Variants in SYCP1 observed in about 807,000 individuals in gnomAD.
SYCP1 encodes synaptonemal complex protein 1.
SYCP1 carries 64 observed loss-of-function variants against 153.1 expected under a neutral mutation model. The ratio of observed to expected loss-of-function variants is 0.42; its 90% CI spans 0.34 to 0.51. The LOEUF (loss-of-function observed/expected upper bound fraction) is 0.51. Ranked by LOEUF, SYCP1 falls within the 20% of genes least tolerant of loss-of-function variation. The probability of loss-of-function intolerance (pLI) is 0.06; values close to 1 mark genes in which losing one functional copy is unlikely to be tolerated. For missense variants in SYCP1, 997 were observed against 1,049.0 expected (o/e 0.95, Z 0.68); for synonymous variants, 384 against 341.8 (o/e 1.12, Z -1.36).
At chr1:114,949,193 C>T (rs1670935695) in intron 27 of SYCP1, among the ~76,000 whole-genome samples, 1 of 152,164 alleles carries the variant, frequency 6.6e-6, no homozygotes. Flanking sequence ...GGGCATCATG[C>T]TCTGACATAC....
At chr1:114,935,074 A>G (rs1669905161) in intron 23 of SYCP1, among the ~76,000 whole-genome samples, 1 of 152,180 alleles carries the variant, frequency 6.6e-6, no homozygotes, top group Non-Finnish European at 1.5e-5. Flanking sequence ...ACATCTACAG[A>G]ACTCTCCACC....
At chr1:114,899,943 G>A (rs1215743412) in intron 16 of SYCP1, among the ~76,000 whole-genome samples, 5 of 152,134 alleles carry the variant, frequency 3.3e-5, no homozygotes, top group African/African-American at 7.2e-5. Flanking sequence ...TATGTTAGAG[G>A]TTGAAAACAC....
chr1:114,881,501 A>ATCTTTCCTTCCTTCCTTCCT (rs1665925620), intron 12 of SYCP1, among the ~76,000 whole-genome samples: 1 of 102,624 alleles, frequency 9.7e-6, no homozygotes. Context: ...GGAAGGTATT[A>ATCTTTCCTTCCTTCCTTCCT]TCCTTCCTTC....
At chr1:114,906,780 C>T (rs1667837678) in intron 16 of SYCP1, among the ~76,000 whole-genome samples, 1 of 152,010 alleles carries the variant, frequency 6.6e-6, no homozygotes, top group Non-Finnish European at 1.5e-5. Flanking sequence ...GTGAATGTTC[C>T]ATGTGCACTG....
chr1:114,961,015 C>T (rs1343050214), intron 27 of SYCP1, among the ~76,000 whole-genome samples: 2 of 152,078 alleles, frequency 1.3e-5, no homozygotes, highest in Non-Finnish European at 1.5e-5. Flanking sequence ...TAAAAATTAC[C>T]ATTTCAGTCT....
At chr1:114,965,197 G>T (rs1346962048) in intron 27 of SYCP1, among the ~76,000 whole-genome samples, 1 of 152,166 alleles carries the variant, frequency 6.6e-6, no homozygotes, top group Non-Finnish European at 1.5e-5. Context: ...TGTGATTTTT[G>T]TACATTGATT....
chr1:114,987,492 C>T (rs1237821020), intron 30 of SYCP1, among the ~76,000 whole-genome samples: 1 of 151,888 alleles, frequency 6.6e-6, no homozygotes, highest in Non-Finnish European at 1.5e-5. Context: ...CAGTGAGACC[C>T]TCTCTATACA....
chr1:114,990,458 A>C (rs1298900318), intron 30 of SYCP1, among the ~76,000 whole-genome samples: 1 of 151,954 alleles, frequency 6.6e-6, no homozygotes, highest in African/African-American at 2.4e-5. Context: ...CTAAACTCAA[A>C]CCTAGTAGAT....
At chr1:114,923,721 G>T in intron 21 of SYCP1, 191 bp downstream of exon 21, 1 of 402,434 alleles carries the variant, frequency 2.5e-6, no homozygotes. Flanking sequence ...ATATCTAGAA[G>T]AAATAGTGGC....
chr1:114,978,309 T>C (rs970768748), intron 28 of SYCP1, among the ~76,000 whole-genome samples: 4 of 151,590 alleles, frequency 2.6e-5, no homozygotes, highest in Non-Finnish European at 5.9e-5. Context: ...GCAGAATTTA[T>C]GTGTAATTCT....
At position 114,895,448 on chromosome 1, in the gene SYCP1, A is replaced by G; in HGVS notation, c.1259A>G (p.Glu420Gly). 6.6e-7 allele frequency: 1 copy of G among 1,510,408 alleles called. No individual in the cohort carries two copies. Among genetic ancestry groups the G allele is most frequent in the Non-Finnish European group, 9.0e-7 (1 of 1,114,618 alleles). The allele number at this position is 1,510,408 out of a possible 1,614,324, so 93.6% of individuals were successfully genotyped here. ...MELQKKSSEL[E>G]EMTKLTNNKE... ...CACATTTTTTTTTTGCTCATTTTAG[A>G]AGAGATGACTAAGCTTACAAATAAC... Residue 420 changes from glutamate to glycine, a missense_variant and splice_region_variant, in exon 16 of 32, where the codon GAA (glutamate) becomes GGA (glycine). Glu to Gly is a moderately conservative substitution (Grantham distance 98, BLOSUM62 -2). Coordinates refer to ENST00000369522, the MANE Select transcript of SYCP1 (RefSeq NM_003176.4).
chr1:114,965,485 G>A (rs1366083176), intron 27 of SYCP1, among the ~76,000 whole-genome samples: 1 of 152,138 alleles, frequency 6.6e-6, no homozygotes, highest in African/African-American at 2.4e-5. Context: ...TATGATATTG[G>A]CTATGAGTTT....
intron 8 of SYCP1, among the ~76,000 whole-genome samples, chr1:114,867,083 G>T (rs1664802926): frequency 1.3e-5 from 2 of 151,852 alleles, no homozygotes; most frequent in African/African-American, 4.8e-5. Context: ...TCTGTTTCTG[G>T]ACTCTCTATT....
intron 23 of SYCP1, among the ~76,000 whole-genome samples, chr1:114,933,070 G>C (rs968372692): frequency 2.0e-5 from 3 of 152,188 alleles, no homozygotes; most frequent in South Asian, 2.1e-4. Context: ...CATGGAGTTT[G>C]AGATCTGAGA....
At chr1:114,866,257 A>G (rs894042034) in intron 8 of SYCP1, among the ~76,000 whole-genome samples, 3 of 152,204 alleles carry the variant, frequency 2.0e-5, no homozygotes, top group Admixed American at 6.5e-5. Flanking sequence ...AAATTGCCAA[A>G]CTGTCTTCCA....
intron 30 of SYCP1, among the ~76,000 whole-genome samples, chr1:114,991,442 A>T (rs989325044): frequency 3.9e-5 from 6 of 151,914 alleles, no homozygotes; most frequent in African/African-American, 2.4e-5. Flanking sequence ...ATAGCATATT[A>T]AAAATTATTT....
chr1:114,864,633 T>G (rs1030843313), intron 8 of SYCP1, among the ~76,000 whole-genome samples: 1 of 151,922 alleles, frequency 6.6e-6, no homozygotes, highest in Admixed American at 6.6e-5. Context: ...GGACTACAGC[T>G]GCACACCACC....
chr1:114,954,817 G>A (rs934244751), intron 27 of SYCP1, among the ~76,000 whole-genome samples: 1 of 152,088 alleles, frequency 6.6e-6, no homozygotes, highest in Non-Finnish European at 1.5e-5. Context: ...TTGACCTCGC[G>A]ATCCGCCTGC....
chr1:114,892,467 C>T (rs1666780225), intron 15 of SYCP1, among the ~76,000 whole-genome samples: 1 of 152,134 alleles, frequency 6.6e-6, no homozygotes, highest in African/African-American at 2.4e-5. Flanking sequence ...GGCATGTGAC[C>T]CCGCTGCTGG....
Sources: gnomAD v4.1 joint callset for allele counts (sites outside exome capture counted in the v4.1 genomes callset) on GRCh38, gnomAD v4.1.1 for gene constraint, MANE v1.5 for transcripts, NCBI Gene and HGNC (gene_info 2026-07-23, HGNC 2026-07-21) for gene names.